Variants in LHX8 observed in about 807,000 individuals in gnomAD.
LHX8 encodes the protein LIM homeobox 8, also known as LIM/homeobox protein Lhx8.
In LHX8, 12 loss-of-function variants were observed where a neutral mutation model predicts 40.3. That is an observed-to-expected ratio of 0.30 (90% CI 0.19 to 0.48). The LOEUF (loss-of-function observed/expected upper bound fraction) is 0.48. LHX8 is among the 20% of genes least tolerant of loss of function. The pLI is 0.99. For missense variants in LHX8, 344 were observed against 433.7 expected, an observed-to-expected ratio of 0.79 and a Z score of 1.84; for synonymous variants, 179 against 162.0, an observed-to-expected ratio of 1.10 and a Z score of -0.80.
the LHX8 span, among the ~76,000 whole-genome samples, chr1:75,169,034 C>G: frequency 4.2e-4 from 64 of 152,252 alleles, no homozygotes; most frequent in African/African-American, 1.4e-3. Flanking sequence ...GTTGAAACCC[C>G]CCCTGTGGCT....
chr1:75,143,056 C>A, intron 4 of LHX8, 62 bp from the exon 5 acceptor site: 1 of 1,279,440 alleles, frequency 7.8e-7, no homozygotes, highest in Non-Finnish European at 1.1e-6. Context: ...GTTTAATATT[C>A]GACTGATGAA....
At chr1:75,186,498 A>C in the LHX8 span, among the ~76,000 whole-genome samples, 37 of 152,258 alleles carry the variant, frequency 2.4e-4, no homozygotes, top group South Asian at 7.5e-3. Context: ...TCTGCATTCA[A>C]GTTGGGGAGA....
At chr1:75,178,457 CT>C in the LHX8 span, among the ~76,000 whole-genome samples, 1 of 152,126 alleles carries the variant, frequency 6.6e-6, no homozygotes, top group Non-Finnish European at 1.5e-5. Flanking sequence ...AGTTTATGTG[CT>C]TAAAGGTGTT....
At chr1:75,154,557 G>A (rs1648704283) in intron 7 of LHX8, among the ~76,000 whole-genome samples, 1 of 152,022 alleles carries the variant, frequency 6.6e-6, no homozygotes, top group African/African-American at 2.4e-5. Context: ...TGTGTCTTCT[G>A]GGTCCCATAA....
the LHX8 span, among the ~76,000 whole-genome samples, chr1:75,172,484 A>G: frequency 6.6e-6 from 1 of 152,214 alleles, no homozygotes; most frequent in African/African-American, 2.4e-5. Context: ...TAAGAAGCTT[A>G]TATCTCTGCC....
intron 7 of LHX8, among the ~76,000 whole-genome samples, chr1:75,154,528 T>C (rs1194747681): frequency 6.6e-6 from 1 of 152,126 alleles, no homozygotes; most frequent in African/African-American, 2.4e-5. Context: ...TTTTAGGTTA[T>C]ATGTAGTCCT....
downstream of LHX8, among the ~76,000 whole-genome samples, chr1:75,165,351 G>A (rs1398823872): frequency 6.6e-6 from 1 of 152,122 alleles, no homozygotes; most frequent in African/African-American, 2.4e-5. Flanking sequence ...TTTTATAAAT[G>A]TATAGAGATC....
At chr1:75,165,013 G>GCTGCCA (rs1341653161), downstream of LHX8, among the ~76,000 whole-genome samples, 2 of 152,148 alleles carry the variant, frequency 1.3e-5, no homozygotes, top group African/African-American at 2.4e-5. Context: ...TTAAGCACAA[G>GCTGCCA]CTGCCACTTT....
chr1:75,170,402 C>CA, the LHX8 span, among the ~76,000 whole-genome samples: 3 of 152,098 alleles, frequency 2.0e-5, no homozygotes, highest in Non-Finnish European at 4.4e-5. Flanking sequence ...AAAACAAAAG[C>CA]AAAAACAAAC....
Position 75,155,550 on chromosome 1 carries a change from C to T in LHX8, c.781-1343C>T, listed in dbSNP as rs187568338. ...CGCCCGGCCCATGAAGAAACACTCT[C>T]TATGGTCAAGTTTTATCACCTGTCA... is the stretch of plus-strand genomic sequence containing the variant. On this transcript the variant is annotated intron_variant, in intron 7 of 8. Transcript: ENST00000356261. Among the ~76,000 whole-genome samples the T allele has an allele frequency of 1.4e-4, 21 of 152,160 alleles. No homozygotes were observed. In the East Asian group the frequency reaches 4.1e-3, roughly 29 times the overall value.
chr1:75,146,049 TATAATTTAGGAATCTGA>T (rs1648451729), intron 6 of LHX8, among the ~76,000 whole-genome samples: 1 of 152,178 alleles, frequency 6.6e-6, no homozygotes, highest in Non-Finnish European at 1.5e-5. Flanking sequence ...AGTGGTTCTT[TATAATTTAGGAATCTGA>T]AATAGATATT....
the LHX8 span, among the ~76,000 whole-genome samples, chr1:75,177,085 T>A: frequency 6.6e-6 from 1 of 152,190 alleles, no homozygotes; most frequent in South Asian, 2.1e-4. Context: ...AGCCTTGTAG[T>A]ATAGTTTGAA....
At chr1:75,154,000 A>G (rs1042132964) in intron 7 of LHX8, among the ~76,000 whole-genome samples, 1 of 152,146 alleles carries the variant, frequency 6.6e-6, no homozygotes, top group African/African-American at 2.4e-5. Context: ...CATTCTCTGC[A>G]TTAGTATTTT....
chr1:75,179,614 C>T, the LHX8 span, among the ~76,000 whole-genome samples: 2 of 150,352 alleles, frequency 1.3e-5, no homozygotes, highest in Admixed American at 1.3e-4. Flanking sequence ...CTGAATACAG[C>T]ACTCTTGATG....
At chr1:75,179,829 G>C in the LHX8 span, among the ~76,000 whole-genome samples, 2 of 152,224 alleles carry the variant, frequency 1.3e-5, no homozygotes, top group South Asian at 4.2e-4. Flanking sequence ...GGCTGGTACC[G>C]GTTGTTCCTT....
At chr1:75,176,888 A>G in the LHX8 span, among the ~76,000 whole-genome samples, 2 of 152,208 alleles carry the variant, frequency 1.3e-5, no homozygotes, top group East Asian at 1.9e-4. Flanking sequence ...AGCTTTCTAC[A>G]TATGGCTAGC....
At chr1:75,182,274 GT>G in the LHX8 span, among the ~76,000 whole-genome samples, 1 of 147,304 alleles carries the variant, frequency 6.8e-6, no homozygotes, top group African/African-American at 2.5e-5. Flanking sequence ...CCCACTTTAT[GT>G]TTTTGTTTGC....
rs35220110 is a variant in LHX8 at position 75,148,695 on chromosome 1, C to CTT, written c.780+26_780+27dup. On this transcript the variant is annotated intron_variant, in intron 7 of 8. Transcript: ENST00000356261. ...ACGTGTGATACAGGTGATTACTTTA[C>CTT]TTTTTTTTTTTTTTAAGGTTTTTAA... 6.1e-4 allele frequency: 821 copies of CTT among 1,335,922 alleles called. No homozygotes were observed. Among genetic ancestry groups the CTT allele is most frequent in the East Asian group, 1.4e-3 (55 of 39,688 alleles). 82.8% of individuals were successfully genotyped at this position (1,335,922 alleles called of 1,614,324 possible).
upstream of LHX8, among the ~76,000 whole-genome samples, chr1:75,129,409 A>T (rs968852726): frequency 1.3e-5 from 2 of 152,244 alleles, no homozygotes; most frequent in African/African-American, 4.8e-5. Flanking sequence ...TTAAGTTTTT[A>T]AAATTCATGG....
Sources: allele counts gnomAD v4.1 joint callset (sites outside exome capture counted in the v4.1 genomes callset), GRCh38; gene constraint gnomAD v4.1.1; transcripts MANE v1.5; gene names NCBI Gene and HGNC (gene_info 2026-07-23, HGNC 2026-07-21).